PRKACB: variants seen among roughly 807,000 people sequenced by gnomAD.
PRKACB encodes the protein protein kinase cAMP-activated catalytic subunit beta, also known as cAMP-dependent protein kinase catalytic subunit beta.
A neutral mutation model predicts 51.4 loss-of-function variants in PRKACB; 16 were observed. That is an observed-to-expected ratio of 0.31 (90% CI 0.21 to 0.47). PRKACB has a LOEUF of 0.47. PRKACB is among the 20% of genes least tolerant of loss of function. The probability of loss-of-function intolerance (pLI) is 1.00; values close to 1 mark genes in which losing one functional copy is unlikely to be tolerated. For missense variants in PRKACB, 309 were observed against 464.5 expected (o/e 0.67, Z 3.08); for synonymous variants, 147 against 154.4 (o/e 0.95, Z 0.35).
At chr1:84,081,676 A>G (rs2100737509) in intron 1 of PRKACB, among the ~76,000 whole-genome samples, 1 of 152,184 alleles carries the variant, frequency 6.6e-6, no homozygotes, top group South Asian at 2.1e-4. Flanking sequence ...CCAACACACC[A>G]AAAAAACACG....
intron 8 of PRKACB, 117 bp downstream of exon 8, chr1:84,202,922 T>C (rs1670540773): frequency 1.1e-6 from 1 of 942,640 alleles, no homozygotes; most frequent in South Asian, 2.6e-5. Flanking sequence ...TATAGAAAAA[T>C]CTACAGTTGC....
intron 5 of PRKACB, among the ~76,000 whole-genome samples, chr1:84,192,677 T>G (rs1175584287): frequency 6.6e-6 from 1 of 152,104 alleles, no homozygotes; most frequent in Admixed American, 6.6e-5. Flanking sequence ...GTCCTGAAAT[T>G]TTTATTAGCC....
At chr1:84,169,797 C>G (rs1658794450) in intron 1 of PRKACB, among the ~76,000 whole-genome samples, 1 of 151,486 alleles carries the variant, frequency 6.6e-6, no homozygotes, top group Non-Finnish European at 1.5e-5. Context: ...AACAAAGATG[C>G]CAATGCCTAA....
chr1:84,143,257 A>G (rs2812450), upstream of PRKACB, among the ~76,000 whole-genome samples: 149,344 of 152,220 alleles, frequency 0.98, 73,337 homozygotes, highest in East Asian at 1. Flanking sequence ...ACAACTCCTG[A>G]CCTGGCCAAC....
intron 7 of PRKACB, among the ~76,000 whole-genome samples, chr1:84,202,411 T>C (rs1670387744): frequency 6.6e-6 from 1 of 152,014 alleles, no homozygotes; most frequent in Admixed American, 6.6e-5. Context: ...TAAAGAAAAT[T>C]TCATTGTCTA....
chr1:84,201,603 G>T (rs1670117886), intron 7 of PRKACB, among the ~76,000 whole-genome samples: 1 of 151,948 alleles, frequency 6.6e-6, no homozygotes, highest in Admixed American at 6.6e-5. Flanking sequence ...AAGAGAAAAA[G>T]AAAATCTCTA....
intron 1 of PRKACB, among the ~76,000 whole-genome samples, chr1:84,083,743 A>G (rs548525917): frequency 7.0e-4 from 106 of 152,338 alleles, no homozygotes; most frequent in Middle Eastern, 3.4e-3. Flanking sequence ...AGTGAATAAC[A>G]TTGTGTTAAA....
intron 5 of PRKACB, among the ~76,000 whole-genome samples, chr1:84,188,340 C>T (rs1665789138): frequency 6.6e-6 from 1 of 151,344 alleles, no homozygotes; most frequent in Non-Finnish European, 1.5e-5. Context: ...TATTAGGGTT[C>T]TGGAAATTTT....
chr1:84,198,799 C>T (rs1490913332), intron 7 of PRKACB, among the ~76,000 whole-genome samples: 2 of 149,658 alleles, frequency 1.3e-5, no homozygotes, highest in East Asian at 2.0e-4. Flanking sequence ...AACCTAGACG[C>T]AGCCTTTTTA....
At chr1:84,089,241 C>A (rs1557908182) in intron 1 of PRKACB, among the ~76,000 whole-genome samples, 3 of 152,140 alleles carry the variant, frequency 2.0e-5, no homozygotes, top group Admixed American at 2.0e-4. Context: ...TCCCTTTCCT[C>A]CATTGGCAGG....
chr1:84,147,200 G>A (rs1654221238), intron 1 of PRKACB, among the ~76,000 whole-genome samples: 1 of 151,868 alleles, frequency 6.6e-6, no homozygotes, highest in Non-Finnish European at 1.5e-5. Context: ...TATTTCTCTT[G>A]TAAATACAAA....
chr1:84,197,600 C>T (rs1283600915), intron 6 of PRKACB, 129 bp from the exon 7 acceptor site: 8 of 590,166 alleles, frequency 1.4e-5, no homozygotes, highest in East Asian at 9.1e-5. Flanking sequence ...ATTTCAATTA[C>T]GTGGACTTAA....
chr1:84,186,505 T>C (rs1267937243), intron 5 of PRKACB, among the ~76,000 whole-genome samples: 2 of 151,982 alleles, frequency 1.3e-5, no homozygotes, highest in Admixed American at 1.3e-4. Context: ...AGGTGTGAGC[T>C]ACCACACCTG....
chr1:84,217,117 A>G (rs1672994968), intron 9 of PRKACB, among the ~76,000 whole-genome samples: 1 of 152,216 alleles, frequency 6.6e-6, no homozygotes. Flanking sequence ...CATCAGTTTT[A>G]TCACCCTTAA....
chr1:84,136,490 C>CACACACACACA (rs1553163970), intron 1 of PRKACB, among the ~76,000 whole-genome samples: 1 of 146,650 alleles, frequency 6.8e-6, no homozygotes, highest in Non-Finnish European at 1.5e-5. Flanking sequence ...ACGGCCAAAA[C>CACACACACACA]CACACACACA....
chr1:84,084,537 T>C (rs1647811556), intron 1 of PRKACB, among the ~76,000 whole-genome samples: 1 of 151,946 alleles, frequency 6.6e-6, no homozygotes, highest in South Asian at 2.1e-4. Context: ...AGAGGCAAGA[T>C]CAATTATAAG....
At chr1:84,137,587 G>A (rs1462451513) in intron 1 of PRKACB, among the ~76,000 whole-genome samples, 1 of 152,200 alleles carries the variant, frequency 6.6e-6, no homozygotes, top group African/African-American at 2.4e-5. Context: ...TAGTACAAAT[G>A]TATGAAACAA....
intron 1 of PRKACB, among the ~76,000 whole-genome samples, chr1:84,150,083 G>T (rs887420322): frequency 5.3e-5 from 8 of 151,932 alleles, no homozygotes; most frequent in African/African-American, 1.9e-4. Flanking sequence ...TGGCCAACAT[G>T]GTGAAACCCT....
chr1:84,164,364 A>G (rs751205484), intron 1 of PRKACB: 2 of 1,560,082 alleles, frequency 1.3e-6, no homozygotes, highest in East Asian at 2.4e-5. Flanking sequence ...TGTAATTGAA[A>G]GACGTTTAGG....
Sources: allele counts gnomAD v4.1 joint callset (sites outside exome capture counted in the v4.1 genomes callset), GRCh38; gene constraint gnomAD v4.1.1; transcripts MANE v1.5; gene names NCBI Gene and HGNC (gene_info 2026-07-23, HGNC 2026-07-21).